The following ENTPD5 variants were observed in gnomAD, a reference collection of about 807,000 sequenced individuals.
The protein encoded by ENTPD5 is nucleoside diphosphate phosphatase ENTPD5.
Under a neutral mutation model 60.2 loss-of-function variants are expected in ENTPD5, and 49 were observed. That is an observed-to-expected ratio of 0.81 (90% CI 0.65 to 1.03). ENTPD5 has a LOEUF of 1.03. Ranked by LOEUF, ENTPD5 falls within the 50% of genes least tolerant of loss-of-function variation. The pLI, the probability that ENTPD5 is intolerant of heterozygous loss-of-function variation, is 0.00. For synonymous variants in ENTPD5, 187 were observed against 185.4 expected, an observed-to-expected ratio of 1.01 and a Z score of -0.07; for missense variants, 480 against 507.6, an observed-to-expected ratio of 0.95 and a Z score of 0.52.
At chr14:73,956,099 C>T (rs188395141), downstream of ENTPD5, 26,005 of 810,478 alleles carry the variant, frequency 0.032, 562 homozygotes, top group Middle Eastern at 0.083. Flanking sequence ...CTAAGGCGGG[C>T]GGATCACGAG....
chr14:73,959,017 T>C, downstream of ENTPD5: 1 of 1,614,156 alleles, frequency 6.2e-7, no homozygotes, highest in African/African-American at 1.3e-5. Flanking sequence ...GCTGTTGGAA[T>C]CCAGAATGTG....
chr14:74,004,834 T>C (rs906440023), intron 3 of ENTPD5, among the ~76,000 whole-genome samples: 2 of 152,156 alleles, frequency 1.3e-5, no homozygotes, highest in African/African-American at 4.8e-5. Flanking sequence ...CTAATGCTCA[T>C]ACAGACCAAC....
downstream of ENTPD5, among the ~76,000 whole-genome samples, chr14:73,962,501 G>A (rs2140426858): frequency 1.3e-5 from 2 of 152,038 alleles, no homozygotes; most frequent in East Asian, 3.9e-4. Flanking sequence ...TGAGGCTGCA[G>A]TGGGCTATGA....
intron 5 of ENTPD5, chr14:73,986,588 T>C (rs944280207): frequency 3.7e-6 from 2 of 535,572 alleles, no homozygotes; most frequent in Admixed American, 3.2e-5. Flanking sequence ...TAAAAGCTAG[T>C]GTCATCCTTG....
At chr14:73,984,096 C>T (rs900479338) in intron 5 of ENTPD5, among the ~76,000 whole-genome samples, 10 of 151,722 alleles carry the variant, frequency 6.6e-5, no homozygotes, top group Non-Finnish European at 1.3e-4. Flanking sequence ...GGCACAATCT[C>T]GGCTCACTGC....
intron 3 of ENTPD5, among the ~76,000 whole-genome samples, chr14:74,006,498 T>C (rs1221077892): frequency 6.6e-6 from 1 of 151,864 alleles, no homozygotes; most frequent in Non-Finnish European, 1.5e-5. Context: ...TTAGCCAGGA[T>C]GGTCTCGATC....
downstream of ENTPD5, among the ~76,000 whole-genome samples, chr14:73,957,084 T>TTAC (rs1451795148): frequency 2.7e-3 from 347 of 129,682 alleles, 1 homozygote; most frequent in Non-Finnish European, 5.0e-3. Flanking sequence ...TACAGCGAGC[T>TTAC]TATTATTATT....
Position 73,988,141 on chromosome 14 carries a change from C to G in ENTPD5, c.-39G>C, listed in dbSNP as rs938652718. 2.5e-6 allele frequency: 4 copies of G among 1,577,354 alleles called. No homozygotes were observed. The highest frequency in any genetic ancestry group is 3.4e-6 in the Non-Finnish European group (4 of 1,161,376). On this transcript the variant is annotated 5_prime_UTR_variant, in exon 4 of 16. Coordinates refer to ENST00000334696, the MANE Select transcript of ENTPD5 (RefSeq NM_001249.5). ...TGTGGCTGGGTGGAGGCTTTTGTTG[C>G]AGAAGCAATCCTGCTCGCACACCTG...
downstream of ENTPD5, chr14:73,959,289 G>A (rs1301881067): frequency 1.2e-6 from 2 of 1,614,130 alleles, no homozygotes; most frequent in Admixed American, 1.7e-5. Context: ...CTTTCTCTCA[G>A]CCTTTTTCTG....
intron 3 of ENTPD5, among the ~76,000 whole-genome samples, chr14:74,006,375 C>T (rs961721162): frequency 2.0e-5 from 3 of 151,654 alleles, no homozygotes; most frequent in Non-Finnish European, 2.9e-5. Flanking sequence ...GCTCCGCTTC[C>T]CGGGTTCACA....
chr14:73,955,788 T>G (rs1057523047), downstream of ENTPD5: 1 of 1,614,084 alleles, frequency 6.2e-7, no homozygotes, highest in African/African-American at 1.3e-5. Context: ...ATGCAGACTT[T>G]CCTTTTGTGT....
intron 3 of ENTPD5, among the ~76,000 whole-genome samples, chr14:73,989,396 T>C (rs1594901866): frequency 6.7e-6 from 1 of 148,198 alleles, no homozygotes; most frequent in African/African-American, 2.5e-5. Context: ...ACCCTGTATC[T>C]ACTAAAAATA....
At chr14:73,972,054 A>G in intron 13 of ENTPD5, 146 bp from the exon 14 acceptor site, 1 of 634,520 alleles carries the variant, frequency 1.6e-6, no homozygotes. Context: ...CATGTTATGT[A>G]TATTTAACCA....
At chr14:74,011,239 C>G (rs2058836861) in intron 2 of ENTPD5, 89 bp from the exon 3 acceptor site, 1 of 217,362 alleles carries the variant, frequency 4.6e-6, no homozygotes, top group Non-Finnish European at 7.8e-6. Flanking sequence ...GTTATCTCTT[C>G]CACATTTTCA....
At chr14:74,001,032 A>G (rs1441335357) in intron 3 of ENTPD5, among the ~76,000 whole-genome samples, 1 of 152,080 alleles carries the variant, frequency 6.6e-6, no homozygotes, top group Admixed American at 6.5e-5. Flanking sequence ...TCCAGCTTGG[A>G]CAACACAGTG....
rs550187256 is a variant in ENTPD5 at position 73,973,845 on chromosome 14, G to GT, written c.886+31dup. On this transcript the variant is annotated intron_variant, in intron 12 of 15. Coordinates refer to ENST00000334696, the MANE Select transcript of ENTPD5 (RefSeq NM_001249.5). Reference sequence around the variant, plus strand: ...CTTTTCCAGAGCTTCCATTGTAAACGTAACTTTAACCAGTGAAAAAACATC... The same window carrying GT: ...CTTTTCCAGAGCTTCCATTGTAAACGTTAACTTTAACCAGTGAAAAAACATC... The GT allele has an allele frequency of 1.4e-4, 228 of 1,579,560 alleles. No individual in the cohort carries two copies. The South Asian group carries it at 2.3e-3, about 16-fold the overall frequency.
chr14:73,983,834 G>A (rs1018471511), intron 5 of ENTPD5, among the ~76,000 whole-genome samples: 3 of 151,464 alleles, frequency 2.0e-5, no homozygotes, highest in Non-Finnish European at 2.9e-5. Flanking sequence ...GGGATTACAG[G>A]CATATGCCAC....
At position 73,993,934 on chromosome 14, in the gene ENTPD5, A is replaced by C. The variant is rs1438171516; in HGVS notation, c.-70-5762T>G. Among the ~76,000 whole-genome samples, 15 of 63,700 alleles carry C rather than the reference A, an allele frequency of 2.4e-4. No homozygotes were observed. In the South Asian group the frequency reaches 8.6e-3, roughly 37 times the overall value. 41.8% of individuals were successfully genotyped at this position (63,700 alleles called of 152,430 possible). ...TTCACGAAAAAACAAACAAAAAAAAACAAACAAAAAACCCTGCAGAGTCAT... is the reference window on the plus strand; with the variant it reads ...TTCACGAAAAAACAAACAAAAAAAACCAAACAAAAAACCCTGCAGAGTCAT... On this transcript the variant is annotated intron_variant, in intron 3 of 15. Coordinates refer to ENST00000334696, the MANE Select transcript of ENTPD5 (RefSeq NM_001249.5).
chr14:74,001,415 T>C (rs185547058), intron 3 of ENTPD5, among the ~76,000 whole-genome samples: 45 of 151,454 alleles, frequency 3.0e-4, no homozygotes, highest in African/African-American at 9.7e-4. Context: ...GGCAGGAGAA[T>C]GACGTGAACC....
Sources: allele counts gnomAD v4.1 joint callset (sites outside exome capture counted in the v4.1 genomes callset), GRCh38; gene constraint gnomAD v4.1.1; transcripts MANE v1.5; gene names NCBI Gene and HGNC (gene_info 2026-07-23, HGNC 2026-07-21).